PRKDC: variants seen among roughly 807,000 people sequenced by gnomAD.
The protein encoded by PRKDC is DNA-dependent protein kinase catalytic subunit.
In PRKDC, 82 loss-of-function variants were observed where a neutral mutation model predicts 486.9. The ratio of observed to expected loss-of-function variants is 0.17; its 90% CI spans 0.14 to 0.20. PRKDC has a LOEUF of 0.20. Among genes scored for constraint, PRKDC ranks in the 10% least tolerant of loss-of-function variants. The probability of loss-of-function intolerance (pLI) is 1.00; values close to 1 mark genes in which losing one functional copy is unlikely to be tolerated. For missense variants in PRKDC, 4,504 were observed against 5,038.2 expected, an observed-to-expected ratio of 0.89 and a Z score of 3.21; for synonymous variants, 1,895 against 1,837.0, an observed-to-expected ratio of 1.03 and a Z score of -0.81.
chr8:47,907,396 C>CTATA (rs368939598), intron 25 of PRKDC, among the ~76,000 whole-genome samples: 1,477 of 144,056 alleles, frequency 0.01, 19 homozygotes, highest in African/African-American at 0.024. Flanking sequence ...GTATACATAG[C>CTATA]TATATATATA....
intron 52 of PRKDC, among the ~76,000 whole-genome samples, 181 bp from the exon 53 acceptor site, chr8:47,849,684 C>T (rs1246617273): frequency 6.6e-6 from 1 of 152,190 alleles, no homozygotes; most frequent in Non-Finnish European, 1.5e-5. Context: ...GACCATCGCA[C>T]ACCCTTAGGC....
rs2154499648 is a variant in PRKDC at position 47,835,047 on chromosome 8, C to T, written c.7952-651G>A. 2.0e-5 allele frequency among the ~76,000 whole-genome samples: 3 copies of T among 152,226 alleles called. No homozygotes were observed. The Middle Eastern group carries it at 0.01, about 518-fold the overall frequency. ...CAATTGTGATTATTCATATTAGTCC[C>T]ACTTCCAGAACCAACAAAATGTGCA... is the stretch of plus-strand genomic sequence containing the variant. On this transcript the variant is annotated intron_variant, in intron 58 of 85. Coordinates refer to ENST00000314191, the MANE Select transcript of PRKDC (RefSeq NM_006904.7).
At chr8:47,786,447 T>TTTA (rs2086792941) in intron 76 of PRKDC, among the ~76,000 whole-genome samples, 1 of 152,058 alleles carries the variant, frequency 6.6e-6, no homozygotes, top group African/African-American at 2.4e-5. Flanking sequence ...AGTAGTGACT[T>TTTA]TTAGTTATAA....
At chr8:47,956,435 C>T (rs2090701722) in intron 3 of PRKDC, among the ~76,000 whole-genome samples, 1 of 151,212 alleles carries the variant, frequency 6.6e-6, no homozygotes, top group African/African-American at 2.4e-5. Context: ...CAGTGTGGTT[C>T]GTGCCTGTAA....
At chr8:47,956,160 G>A (rs555066260) in intron 3 of PRKDC, among the ~76,000 whole-genome samples, 2 of 152,114 alleles carry the variant, frequency 1.3e-5, no homozygotes, top group Admixed American at 1.3e-4. Flanking sequence ...TCAGGAGTTC[G>A]AGACCAGCCT....
intron 36 of PRKDC, 34 bp from the exon 37 acceptor site, chr8:47,882,131 C>T (rs1173362037): frequency 1.3e-6 from 2 of 1,569,788 alleles, no homozygotes; most frequent in Non-Finnish European, 1.7e-6. Context: ...AAGAAAAATT[C>T]TTAATTTTGA....
Position 47,821,728 on chromosome 8 carries a change from A to G in PRKDC, c.8987T>C (p.Leu2996Pro). The change falls in exon 65 of 86, where the codon CTT (leucine) becomes CCT (proline). Residue 2996 changes from leucine to proline, a missense_variant. Coordinates refer to ENST00000314191, the MANE Select transcript of PRKDC (RefSeq NM_006904.7). ...PTEAEKDFWELASLDCYNHLA... is the reference protein window; with the variant it reads ...PTEAEKDFWEPASLDCYNHLA... ...GTGGTTGTAACAGTCAAGGGATGCA[A>G]GTTCCCAAAAATCCTTCTCGGCTTC... 1.2e-6 allele frequency: 2 copies of G among 1,600,204 alleles called. No homozygotes were observed. The highest frequency in any genetic ancestry group is 1.7e-6 in the Non-Finnish European group (2 of 1,173,250).
chr8:47,925,390 G>A (rs1024127257), intron 21 of PRKDC, among the ~76,000 whole-genome samples: 9 of 152,182 alleles, frequency 5.9e-5, no homozygotes, highest in African/African-American at 2.2e-4. Flanking sequence ...CACATAGAAG[G>A]ACACTGTACA....
In PRKDC at chr8:47,935,763, C is replaced by A. The variant is rs2090339325; in HGVS notation, c.1416G>T (p.Gly472=). The A allele has an allele frequency of 4.3e-6, 7 of 1,613,690 alleles. No individual in the cohort carries two copies. Among genetic ancestry groups the A allele is most frequent in the African/African-American group, 1.3e-5 (1 of 74,886 alleles). ...VKVFLALAAK[G]PVLRNCISTV... is the part of the protein sequence containing the mutation. ...TACTAATGCAATTCCTGAGAACTGG[C>A]CCTTTTGCTGCCAAAGCTAGGAACA... Residue 472 remains glycine (G), a synonymous_variant, in exon 13 of 86, where the codon GGG becomes GGT. Transcript: ENST00000314191.
At chr8:47,921,350 C>T (rs2090067531) in intron 21 of PRKDC, among the ~76,000 whole-genome samples, 3 of 152,232 alleles carry the variant, frequency 2.0e-5, no homozygotes, top group South Asian at 2.1e-4. Flanking sequence ...CAAGTAATTA[C>T]GTTGTGCAGC....
chr8:47,869,031 T>C (rs1017175575), intron 40 of PRKDC, among the ~76,000 whole-genome samples: 2 of 152,166 alleles, frequency 1.3e-5, no homozygotes, highest in African/African-American at 2.4e-5. Context: ...AACTACATTC[T>C]GGCAAGCCCT....
In PRKDC at chr8:47,817,572, T is replaced by C; in HGVS notation, c.9446-11A>G. On this transcript the variant is annotated splice_polypyrimidine_tract_variant and intron_variant, in intron 67 of 85. Transcript: ENST00000314191. ...GAGATGATAAATTGCCTAAAAATAG[T>C]ATTAGAGGGTGACTATACACACAGC... 2.7e-6 allele frequency: 4 copies of C among 1,498,214 alleles called. No homozygotes were observed. Among genetic ancestry groups the C allele is most frequent in the East Asian group, 4.6e-5 (2 of 43,774 alleles). 92.8% of individuals were successfully genotyped at this position (1,498,214 alleles called of 1,614,324 possible). A position where few individuals can be genotyped will look rare whatever the true frequency, so the allele number is the denominator to read the frequency against.
chr8:47,782,706 G>T lies in PRKDC; in HGVS notation c.11176-108C>A. 1 of 1,264,724 alleles carries T rather than the reference G, an allele frequency of 7.9e-7. No homozygotes were observed. The highest frequency in any genetic ancestry group is 1.4e-5 in the South Asian group (1 of 70,288). 78.3% of individuals were successfully genotyped at this position (1,264,724 alleles called of 1,614,324 possible). On this transcript the variant is annotated intron_variant, in intron 78 of 85. Coordinates refer to ENST00000314191, the MANE Select transcript of PRKDC (RefSeq NM_006904.7). This position sits in a 1 kb window ranked among gnomAD's most constrained non-coding sequence, Gnocchi z 4.9. Reference sequence around the variant, plus strand: ...TTCCTCCGTGGGGCCGCCCTCTGAAGACAGTGCCAAAGAGCAGAGCGCCCA... The same window carrying T: ...TTCCTCCGTGGGGCCGCCCTCTGAATACAGTGCCAAAGAGCAGAGCGCCCA...
intron 38 of PRKDC, 49 bp downstream of exon 38, chr8:47,881,367 G>T (rs369789074): frequency 1.8e-6 from 2 of 1,105,504 alleles, no homozygotes; most frequent in Non-Finnish European, 2.6e-6. Context: ...TAAAAAATAC[G>T]AAAACAGAAG....
At position 47,801,194 on chromosome 8, in the gene PRKDC, C is replaced by T. The variant is rs568529540; in HGVS notation, c.9923-208G>A. Among the ~76,000 whole-genome samples the T allele has an allele frequency of 8.5e-5, 13 of 152,284 alleles. No homozygotes were observed. The South Asian group carries it at 2.7e-3, about 32-fold the overall frequency. ...TCAAGCGATCCTCCCACCTCAACCTCCCAATTAGCTGGGACTACAGGCTTG... is the reference window on the plus strand; with the variant it reads ...TCAAGCGATCCTCCCACCTCAACCTTCCAATTAGCTGGGACTACAGGCTTG... On this transcript the variant is annotated intron_variant, in intron 70 of 85. Coordinates refer to ENST00000314191, the MANE Select transcript of PRKDC (RefSeq NM_006904.7).
At chr8:47,794,214 T>A in intron 74 of PRKDC, 76 bp downstream of exon 74, 1 of 1,162,110 alleles carries the variant, frequency 8.6e-7, no homozygotes, top group Non-Finnish European at 1.2e-6. Context: ...AAATGTAGTG[T>A]CCACGTGTGT....
At chr8:47,774,991 C>T (rs2086579490) in intron 85 of PRKDC, among the ~76,000 whole-genome samples, 1 of 151,886 alleles carries the variant, frequency 6.6e-6, no homozygotes, top group Non-Finnish European at 1.5e-5. Context: ...AGTTCAAGAC[C>T]AGCCTGGCCA....
chr8:47,953,562 A>T, intron 7 of PRKDC, 58 bp downstream of exon 7: 1 of 1,433,712 alleles, frequency 7.0e-7, no homozygotes, highest in Non-Finnish European at 9.7e-7. Context: ...ATAATCAGGC[A>T]TTGCTGGTTA....
chr8:47,822,565 C>T (rs868075010), intron 64 of PRKDC, among the ~76,000 whole-genome samples: 3 of 151,586 alleles, frequency 2.0e-5, no homozygotes, highest in Non-Finnish European at 2.9e-5. Context: ...CCGAGGCGGG[C>T]GGATCACAAG....
Sources: gnomAD v4.1 joint callset for allele counts (sites outside exome capture counted in the v4.1 genomes callset) on GRCh38, gnomAD v4.1.1 for gene constraint, Gnocchi (gnomAD v3.1) non-coding constraint, MANE v1.5 for transcripts, NCBI Gene and HGNC (gene_info 2026-07-23, HGNC 2026-07-21) for gene names.